The following DCAF1 variants were observed in gnomAD, a reference collection of about 807,000 sequenced individuals.
DCAF1 encodes the protein DDB1- and CUL4-associated factor 1.
In DCAF1, 15 loss-of-function variants were observed where a neutral mutation model predicts 128.0. The observed-to-expected ratio is 0.12, with a 90% CI of 0.08 to 0.18. DCAF1 has a LOEUF of 0.18. DCAF1 is among the 10% of genes least tolerant of loss of function. The probability of loss-of-function intolerance (pLI) is 1.00; values close to 1 mark genes in which losing one functional copy is unlikely to be tolerated. For synonymous variants in DCAF1, 610 were observed against 603.0 expected, an observed-to-expected ratio of 1.01 and a Z score of -0.17; for missense variants, 988 against 1,649.5, an observed-to-expected ratio of 0.60 and a Z score of 6.95.
At chr3:51,416,961 G>A (rs1218911836) in intron 17 of DCAF1, 90 bp from the exon 18 acceptor site, 1 of 1,525,700 alleles carries the variant, frequency 6.6e-7, no homozygotes, top group Non-Finnish European at 8.8e-7. Context: ...CCAGCCTCTT[G>A]CACAATCACA....
intron 9 of DCAF1, among the ~76,000 whole-genome samples, chr3:51,438,409 C>T (rs1553637685): frequency 6.6e-6 from 1 of 152,066 alleles, no homozygotes; most frequent in Non-Finnish European, 1.5e-5. Flanking sequence ...TCTCACAAAA[C>T]TAAAATAAGA....
chr3:51,464,264 A>T (rs199534495), intron 5 of DCAF1, among the ~76,000 whole-genome samples: 1 of 150,400 alleles, frequency 6.6e-6, no homozygotes, highest in South Asian at 2.1e-4. Context: ...AATTATATAT[A>T]TAATACAATA....
chr3:51,489,613 C>T lies in DCAF1; in HGVS notation c.-8-5777G>A, dbSNP rs541521656. Among the ~76,000 whole-genome samples the T allele has an allele frequency of 2.0e-5, 3 of 152,028 alleles. No individual in the cohort carries two copies. The East Asian group carries it at 5.8e-4, about 29-fold the overall frequency. ...ATCAGCCTGGCCAACATGGTGAAAC[C>T]GCATCTCTACTAAAAATACAAAATT... is the stretch of plus-strand genomic sequence containing the variant. On this transcript the variant is annotated intron_variant, in intron 2 of 24. Transcript: ENST00000684031.
At chr3:51,425,303 T>C (rs957595251) in intron 13 of DCAF1, among the ~76,000 whole-genome samples, 36 of 151,914 alleles carry the variant, frequency 2.4e-4, no homozygotes, top group Non-Finnish European at 7.4e-5. Context: ...AAACCCCGTC[T>C]CTACTAAAAA....
At chr3:51,444,846 T>A (rs1392873126) in intron 6 of DCAF1, among the ~76,000 whole-genome samples, 1 of 151,460 alleles carries the variant, frequency 6.6e-6, no homozygotes, top group African/African-American at 2.4e-5. Context: ...CGGCTAATTT[T>A]TTGTATTTTT....
At chr3:51,431,995 G>T (rs553906453) in intron 10 of DCAF1, among the ~76,000 whole-genome samples, 1 of 151,166 alleles carries the variant, frequency 6.6e-6, no homozygotes, top group African/African-American at 2.4e-5. Flanking sequence ...AAAAAAGGCC[G>T]GGCATGGTGG....
intron 3 of DCAF1, among the ~76,000 whole-genome samples, chr3:51,474,598 T>C (rs1043740808): frequency 6.6e-6 from 1 of 151,606 alleles, no homozygotes; most frequent in African/African-American, 2.4e-5. Context: ...TTTTTTTTGT[T>C]GGTGATGGTT....
At chr3:51,462,586 A>G (rs781984457) in intron 6 of DCAF1, among the ~76,000 whole-genome samples, 1 of 151,902 alleles carries the variant, frequency 6.6e-6, no homozygotes, top group Admixed American at 6.6e-5. Flanking sequence ...TCTCTACTAA[A>G]ATTACAAAAA....
downstream of DCAF1, chr3:51,397,429 AT>A (rs781949674): frequency 6.0e-6 from 1 of 167,040 alleles, no homozygotes; most frequent in Non-Finnish European, 1.5e-5. Context: ...TTCAGAAAAC[AT>A]TAGTGGCCGC....
intron 3 of DCAF1, among the ~76,000 whole-genome samples, chr3:51,474,602 G>C (rs1421392397): frequency 6.6e-6 from 1 of 150,392 alleles, no homozygotes; most frequent in African/African-American, 2.4e-5. Context: ...TTTTGTTGGT[G>C]ATGGTTTTTT....
intron 6 of DCAF1, among the ~76,000 whole-genome samples, chr3:51,452,415 C>A (rs981584391): frequency 2.6e-5 from 4 of 152,022 alleles, no homozygotes; most frequent in African/African-American, 9.7e-5. Context: ...GAGTACAGAT[C>A]ATCATGTAAT....
intron 14 of DCAF1, 110 bp from the exon 15 acceptor site, chr3:51,421,107 AT>A: frequency 1.1e-5 from 14 of 1,312,736 alleles, no homozygotes; most frequent in Non-Finnish European, 1.4e-5. Context: ...TTAAAAAACT[AT>A]ATTACTTTTG....
At chr3:51,445,185 A>G (rs1195849341) in intron 6 of DCAF1, among the ~76,000 whole-genome samples, 1 of 152,154 alleles carries the variant, frequency 6.6e-6, no homozygotes, top group Admixed American at 6.5e-5. Context: ...AAAAGAAAAA[A>G]TTTTAAAGAA....
intron 2 of DCAF1, among the ~76,000 whole-genome samples, chr3:51,492,814 G>A (rs1553658800): frequency 6.6e-6 from 1 of 151,656 alleles, no homozygotes; most frequent in African/African-American, 2.4e-5. Context: ...CTAACATGGT[G>A]AAACCCCATC....
At chr3:51,495,486 T>C (rs1432518579) in intron 2 of DCAF1, among the ~76,000 whole-genome samples, 1 of 150,998 alleles carries the variant, frequency 6.6e-6, no homozygotes, top group Non-Finnish European at 1.5e-5. Flanking sequence ...TCTTTATTAT[T>C]TAAATACATA....
intron 6 of DCAF1, among the ~76,000 whole-genome samples, chr3:51,449,650 G>A (rs1471191659): frequency 6.6e-6 from 1 of 151,882 alleles, no homozygotes; most frequent in African/African-American, 2.4e-5. Context: ...AAATAATAAA[G>A]ATTATAGTGG....
At chr3:51,418,251 G>A in intron 16 of DCAF1, 53 bp from the exon 17 acceptor site, 1 of 1,551,742 alleles carries the variant, frequency 6.4e-7, no homozygotes, top group Non-Finnish European at 8.7e-7. Flanking sequence ...ACATGCAGAT[G>A]TCACTACCTG....
At chr3:51,494,400 C>T (rs2108563479) in intron 2 of DCAF1, among the ~76,000 whole-genome samples, 1 of 152,164 alleles carries the variant, frequency 6.6e-6, no homozygotes, top group South Asian at 2.1e-4. Flanking sequence ...AGGTGTGAGC[C>T]ACCGCGCCCG....
chr3:51,430,360 T>C (rs1700259406), intron 10 of DCAF1, 148 bp from the exon 11 acceptor site: 2 of 559,822 alleles, frequency 3.6e-6, no homozygotes, highest in Admixed American at 3.3e-5. Context: ...TAGGTAATAA[T>C]ACAAAGGCAA....
Sources: gnomAD v4.1 joint callset for allele counts (sites outside exome capture counted in the v4.1 genomes callset) on GRCh38, gnomAD v4.1.1 for gene constraint, MANE v1.5 for transcripts, NCBI Gene and HGNC (gene_info 2026-07-23, HGNC 2026-07-21) for gene names.